LRBA: variants seen among roughly 807,000 people sequenced by gnomAD.
LRBA encodes the protein LPS responsive beige-like anchor protein.
Under a neutral mutation model 330.0 loss-of-function variants are expected in LRBA, and 176 were observed. The ratio of observed to expected loss-of-function variants is 0.53; its 90% confidence interval spans 0.47 to 0.60. LRBA has a LOEUF of 0.60. LRBA is among the 20% of genes least tolerant of loss of function. The pLI is 0.00. For missense variants in LRBA, 3,259 were observed against 3,444.8 expected (o/e 0.95, Z 1.35); for synonymous variants, 1,230 against 1,193.0 (o/e 1.03, Z -0.64).
chr4:150,299,398 A>T (rs989995081), intron 53 of LRBA, among the ~76,000 whole-genome samples: 1 of 152,100 alleles, frequency 6.6e-6, no homozygotes, highest in Non-Finnish European at 1.5e-5. Flanking sequence ...CAGGAAAATA[A>T]GCCTTTTGCT....
At chr4:150,676,822 T>G (rs1782602895) in intron 37 of LRBA, among the ~76,000 whole-genome samples, 1 of 152,176 alleles carries the variant, frequency 6.6e-6, no homozygotes, top group African/African-American at 2.4e-5. Context: ...CAACTTCTAG[T>G]TATCTGCTGA....
chr4:150,970,556 TACACACACACACACACACACACACACAC>T (rs140276590), intron 2 of LRBA: 1 of 41,688 alleles, frequency 2.4e-5, no homozygotes, highest in African/African-American at 6.4e-5. Context: ...TGTGTGTGTG[TACACACACACACACACACACACACACAC>T]ACAAAAGTAT....
At chr4:150,492,485 G>T (rs13102532) in intron 40 of LRBA, among the ~76,000 whole-genome samples, 91,788 of 151,900 alleles carry the variant, frequency 0.6, 31,049 homozygotes, top group Non-Finnish European at 0.75. Context: ...GAGATTGCAT[G>T]TATCCCTTTC....
intron 50 of LRBA, among the ~76,000 whole-genome samples, chr4:150,318,750 C>A (rs1335568191): frequency 6.6e-6 from 1 of 152,096 alleles, no homozygotes; most frequent in Non-Finnish European, 1.5e-5. Context: ...CTGTGTCATA[C>A]TGTAAAGGCA....
chr4:150,319,108 T>C (rs1212431289), intron 50 of LRBA, among the ~76,000 whole-genome samples: 1 of 152,156 alleles, frequency 6.6e-6, no homozygotes, highest in Non-Finnish European at 1.5e-5. Context: ...CGTAGGGTCT[T>C]AAATGCTTAG....
At chr4:150,939,906 G>A (rs1189956213) in intron 2 of LRBA, among the ~76,000 whole-genome samples, 1 of 152,030 alleles carries the variant, frequency 6.6e-6, no homozygotes, top group Admixed American at 6.6e-5. Context: ...TACACTAACA[G>A]GCCAGACTTC....
At chr4:150,980,405 G>C (rs939752963) in intron 2 of LRBA, among the ~76,000 whole-genome samples, 2 of 152,134 alleles carry the variant, frequency 1.3e-5, no homozygotes, top group Admixed American at 1.3e-4. Context: ...CTTTCCTCTA[G>C]ATCTGGAACA....
At chr4:150,640,121 T>C (rs1269059914) in intron 37 of LRBA, among the ~76,000 whole-genome samples, 2 of 151,638 alleles carry the variant, frequency 1.3e-5, no homozygotes, top group Non-Finnish European at 2.9e-5. Context: ...CCTCCCAAAA[T>C]GCTGGGAATA....
At chr4:150,734,416 T>C (rs762725086) in intron 36 of LRBA, among the ~76,000 whole-genome samples, 3 of 152,152 alleles carry the variant, frequency 2.0e-5, no homozygotes, top group East Asian at 1.9e-4. Context: ...TCTAGAGTTT[T>C]ATTTTTCTAG....
intron 48 of LRBA, among the ~76,000 whole-genome samples, chr4:150,327,667 A>G (rs1231482801): frequency 1.3e-5 from 2 of 152,260 alleles, no homozygotes; most frequent in African/African-American, 4.8e-5. Flanking sequence ...ACAAAGAGAT[A>G]GTAACAATAC....
At chr4:150,469,829 C>G (rs1755867464) in intron 43 of LRBA, among the ~76,000 whole-genome samples, 1 of 152,136 alleles carries the variant, frequency 6.6e-6, no homozygotes. Flanking sequence ...CTTCTCTCCT[C>G]CTCTTACATC....
chr4:150,502,732 C>T (rs545737707), intron 40 of LRBA, among the ~76,000 whole-genome samples: 6 of 152,284 alleles, frequency 3.9e-5, no homozygotes, highest in South Asian at 2.1e-4. Context: ...GCGCACCGTG[C>T]GTGAGGCGAA....
intron 2 of LRBA, among the ~76,000 whole-genome samples, chr4:150,990,555 C>T (rs1346445785): frequency 6.6e-6 from 1 of 151,400 alleles, no homozygotes; most frequent in Non-Finnish European, 1.5e-5. Context: ...CAACAAAACC[C>T]CGTCTCTACA....
chr4:150,662,805 A>G (rs1399939252), intron 37 of LRBA, among the ~76,000 whole-genome samples: 2 of 152,110 alleles, frequency 1.3e-5, no homozygotes, highest in Non-Finnish European at 1.5e-5. Context: ...TGTCTCTACA[A>G]AAAAATTAAA....
At chr4:150,574,875 T>C (rs1016082275) in intron 40 of LRBA, among the ~76,000 whole-genome samples, 3 of 152,050 alleles carry the variant, frequency 2.0e-5, no homozygotes, top group African/African-American at 4.8e-5. Context: ...TGTGTGTACA[T>C]AGCTGATAGC....
At chr4:150,763,722 A>ATT (rs1334157176) in intron 34 of LRBA, among the ~76,000 whole-genome samples, 1 of 151,896 alleles carries the variant, frequency 6.6e-6, no homozygotes, top group Non-Finnish European at 1.5e-5. Flanking sequence ...GCACAGAGAG[A>ATT]TAAGACTCAA....
At position 150,743,655 on chromosome 4, in the gene LRBA, T is replaced by A. The variant is rs56057309; in HGVS notation, c.5646-8289A>T. Among the ~76,000 whole-genome samples, 243 of 152,310 alleles carry A rather than the reference T, an allele frequency of 1.6e-3. 1 individual carries two copies. The highest frequency in any genetic ancestry group is 3.6e-3 in the Admixed American group (55 of 15,296). ...GCACAACTAGGCCCATTTGTTTAAG[T>A]GTTATCCATGGCTGTTTTCAACTCA... On this transcript the variant is annotated intron_variant, in intron 35 of 56. Coordinates refer to ENST00000651943, the MANE Select transcript of LRBA (RefSeq NM_001364905.1).
At chr4:150,823,450 A>G (rs1578896040) in intron 30 of LRBA, among the ~76,000 whole-genome samples, 1 of 152,112 alleles carries the variant, frequency 6.6e-6, no homozygotes, top group African/African-American at 2.4e-5. Flanking sequence ...TCTGCTATGC[A>G]TAAGTTCTGT....
intron 40 of LRBA, among the ~76,000 whole-genome samples, chr4:150,551,490 G>A (rs1387215982): frequency 6.6e-6 from 1 of 151,878 alleles, no homozygotes; most frequent in African/African-American, 2.4e-5. Context: ...ACCAGCCTGG[G>A]CAACATAGTG....
Sources: gnomAD v4.1 joint callset for allele counts (sites outside exome capture counted in the v4.1 genomes callset) on GRCh38, gnomAD v4.1.1 for gene constraint, MANE v1.5 for transcripts, NCBI Gene and HGNC (gene_info 2026-07-23, HGNC 2026-07-21) for gene names.